Variants in CEP295 observed in about 807,000 individuals in gnomAD.
CEP295 encodes centrosomal protein of 295 kDa.
CEP295 carries 190 observed loss-of-function variants against 291.6 expected under a neutral mutation model. The observed-to-expected ratio is 0.65, with a 90% CI of 0.58 to 0.73. The LOEUF is 0.73. Among genes scored for constraint, CEP295 ranks in the 30% least tolerant of loss-of-function variants. CEP295 has a pLI of 0.00. For synonymous variants in CEP295, 993 were observed against 1,038.8 expected, an observed-to-expected ratio of 0.96 and a Z score of 0.85; for missense variants, 2,863 against 2,949.4, an observed-to-expected ratio of 0.97 and a Z score of 0.68.
At chr11:93,728,512 A>G (rs997720771) in intron 24 of CEP295, 169 bp from the exon 25 acceptor site, 11 of 518,238 alleles carry the variant, frequency 2.1e-5, no homozygotes, top group African/African-American at 4.0e-5. Context: ...TGCTGGAGTT[A>G]TGGAAGCCTA....
At chr11:93,695,996 A>C (rs539315292) in intron 13 of CEP295, among the ~76,000 whole-genome samples, 85 of 152,210 alleles carry the variant, frequency 5.6e-4, no homozygotes, top group African/African-American at 2.0e-3. Context: ...TAAAAGTAAA[A>C]TGCCTTTGTA....
Position 93,727,041 on chromosome 11 carries a change from G to A in CEP295, c.6565G>A (p.Asp2189Asn). 2 of 1,551,468 alleles carry A rather than the reference G, an allele frequency of 1.3e-6. No individual in the cohort carries two copies. Among genetic ancestry groups the A allele is most frequent in the South Asian group, 2.4e-5 (2 of 83,874 alleles). ...YSSQEESQHA[D>N]LPSIFSIEAR... ...TTCACAGGAGGAGAGCCAGCATGCT[G>A]ATCTACCAAGTATTTTTAGCATTGA... The change falls in exon 24 of 30, where the codon GAT becomes AAT. Residue 2189 changes from aspartate (D) to asparagine (N), a missense_variant. This residue lies in a region of CEP295 where 2,295 missense variants were observed against 2,335.7 expected (regional missense o/e 0.98). Coordinates refer to ENST00000325212, the MANE Select transcript of CEP295 (RefSeq NM_033395.2).
intron 16 of CEP295, 40 bp downstream of exon 16, chr11:93,702,677 A>G (rs761675348): frequency 2.0e-6 from 3 of 1,531,780 alleles, no homozygotes; most frequent in Non-Finnish European, 2.6e-6. Context: ...TTCACTGATT[A>G]TTCCTTGTTT....
At chr11:93,722,995 A>G in intron 20 of CEP295, 46 bp from the exon 21 acceptor site, 1 of 1,499,764 alleles carries the variant, frequency 6.7e-7, no homozygotes, top group Non-Finnish European at 9.0e-7. Context: ...GGCGTGAGCC[A>G]TCACGCCTGG....
At chr11:93,688,187 C>G (rs1474256361) in intron 10 of CEP295, among the ~76,000 whole-genome samples, 1 of 152,070 alleles carries the variant, frequency 6.6e-6, no homozygotes, top group Non-Finnish European at 1.5e-5. Context: ...GAAGTCTTTG[C>G]CCACATCTTT....
chr11:93,725,727 G>T lies in CEP295; in HGVS notation c.6395G>T (p.Arg2132Met). The T allele has an allele frequency of 1.9e-6, 3 of 1,551,810 alleles. No homozygotes were observed. Among genetic ancestry groups the T allele is most frequent in the Non-Finnish European group, 2.6e-6 (3 of 1,146,958 alleles). The change falls in exon 23 of 30, where the codon AGG (arginine) becomes ATG (methionine). Residue 2132 changes from arginine to methionine, a missense_variant. Coordinates refer to ENST00000325212, the MANE Select transcript of CEP295 (RefSeq NM_033395.2). ...KSTVYFTALR[R>M]TSMHSSLNTS... ...ACAGTTTATTTCACAGCACTGAGGAGGACCAGCATGCATTCTTCTCTTAAC... is the reference window on the plus strand; with the variant it reads ...ACAGTTTATTTCACAGCACTGAGGATGACCAGCATGCATTCTTCTCTTAAC...
intron 23 of CEP295, 60 bp downstream of exon 23, chr11:93,725,891 T>C (rs1179585669): frequency 1.4e-6 from 2 of 1,420,732 alleles, no homozygotes; most frequent in African/African-American, 1.4e-5. Context: ...TCCATTTCCT[T>C]AGAAATTAAG....
At chr11:93,727,957 T>C (rs1937617532) in intron 24 of CEP295, 2 of 196,162 alleles carry the variant, frequency 1.0e-5, no homozygotes, top group South Asian at 1.4e-4. Context: ...CAAAAGATCC[T>C]TTTTCTCCCA....
At chr11:93,667,514 G>C (rs1259294238) in intron 2 of CEP295, 93 bp from the exon 3 acceptor site, 1 of 840,098 alleles carries the variant, frequency 1.2e-6, no homozygotes, top group African/African-American at 1.7e-5. Flanking sequence ...ACAGACTTAA[G>C]AGAATTCATT....
intron 19 of CEP295, chr11:93,721,631 A>C: frequency 1.3e-6 from 1 of 753,712 alleles, no homozygotes; most frequent in Non-Finnish European, 2.4e-6. Flanking sequence ...AAGCAAAACT[A>C]TAAAACAATG....
intron 17 of CEP295, among the ~76,000 whole-genome samples, chr11:93,704,113 A>T (rs573137333): frequency 5.7e-4 from 86 of 151,892 alleles, no homozygotes; most frequent in African/African-American, 2.1e-3. Context: ...GAATTTCATA[A>T]TTTTTTTTAG....
chr11:93,708,027 C>A (rs1399225515), intron 18 of CEP295, among the ~76,000 whole-genome samples: 1 of 151,816 alleles, frequency 6.6e-6, no homozygotes, highest in Non-Finnish European at 1.5e-5. Context: ...ACAGATTATT[C>A]TTTTTTTAAT....
intron 18 of CEP295, chr11:93,719,727 A>G (rs910898923): frequency 2.0e-5 from 3 of 152,222 alleles, no homozygotes; most frequent in African/African-American, 7.2e-5. Flanking sequence ...AAAAAATAAA[A>G]TGAATAATTA....
rs370324060 is a variant in CEP295 at position 93,724,361 on chromosome 11, A to G, written c.6304A>G (p.Arg2102Gly). ...SSSSGISPDN[R>G]DFYQRSDSSS... is the part of the protein sequence containing the mutation. ...ATCCTCTGGGATTTCTCCAGACAAC[A>G]GAGACTTTTACCAGGTATATTAAAG... Residue 2102 changes from arginine (R) to glycine (G), a missense_variant, in exon 22 of 30, where the codon AGA becomes GGA. By Grantham distance (125) the Arg-to-Gly change is moderately radical. Transcript: ENST00000325212. 3.9e-6 allele frequency: 6 copies of G among 1,550,122 alleles called. No homozygotes were observed. The African/African-American group carries it at 4.1e-5, about 11-fold the overall frequency.
intron 5 of CEP295, among the ~76,000 whole-genome samples, chr11:93,673,423 A>G (rs974129674): frequency 2.5e-4 from 38 of 152,146 alleles, no homozygotes; most frequent in African/African-American, 8.4e-4. Context: ...GTATTTGCCA[A>G]TTAGTTATCT....
chr11:93,682,469 C>T (rs1425133297), intron 7 of CEP295, among the ~76,000 whole-genome samples: 4 of 152,176 alleles, frequency 2.6e-5, no homozygotes, highest in Non-Finnish European at 5.9e-5. Flanking sequence ...GGTGATCTGC[C>T]TGCCTTGGCC....
At chr11:93,669,533 A>G in intron 4 of CEP295, 144 bp from the exon 5 acceptor site, 1 of 531,398 alleles carries the variant, frequency 1.9e-6, no homozygotes, top group East Asian at 2.9e-5. Context: ...ACATATGTAT[A>G]GACTCTTTAC....
intron 12 of CEP295, among the ~76,000 whole-genome samples, chr11:93,694,268 T>A (rs912063458): frequency 6.6e-6 from 1 of 152,204 alleles, no homozygotes; most frequent in Non-Finnish European, 1.5e-5. Context: ...GACTGTAGAG[T>A]AGTCCCTGCT....
chr11:93,695,698 C>A (rs564151807), intron 13 of CEP295, 64 bp downstream of exon 13: 397 of 1,463,096 alleles, frequency 2.7e-4, no homozygotes, highest in Non-Finnish European at 3.2e-4. Flanking sequence ...AAAATATGAG[C>A]ACTTGTAGCG....
Sources: gnomAD v4.1 joint callset for allele counts (sites outside exome capture counted in the v4.1 genomes callset) on GRCh38, gnomAD v4.1.1 for gene constraint, gnomAD v4.1.1 regional missense constraint, MANE v1.5 for transcripts, NCBI Gene and HGNC (gene_info 2026-07-23, HGNC 2026-07-21) for gene names.